The following HPSE2 variants were observed in gnomAD, a reference collection of about 807,000 sequenced individuals.
HPSE2 encodes inactive heparanase-2.
In HPSE2, 38 loss-of-function variants were observed where a neutral mutation model predicts 60.5. The observed-to-expected ratio is 0.63, with a 90% confidence interval of 0.48 to 0.82. HPSE2 has a LOEUF of 0.82. Among genes scored for constraint, HPSE2 ranks in the 40% least tolerant of loss-of-function variants. HPSE2 has a pLI of 0.00. For missense variants in HPSE2, 713 were observed against 740.4 expected, an observed-to-expected ratio of 0.96 and a Z score of 0.43; for synonymous variants, 295 against 293.2, an observed-to-expected ratio of 1.01 and a Z score of -0.06.
chr10:99,133,434 T>A (rs1042606350), intron 3 of HPSE2, among the ~76,000 whole-genome samples: 4 of 152,114 alleles, frequency 2.6e-5, no homozygotes, highest in African/African-American at 9.7e-5. Flanking sequence ...CCTCTATGTA[T>A]CCTGACTGGG....
chr10:98,702,233 A>C (rs1358995536), intron 5 of HPSE2, among the ~76,000 whole-genome samples: 1 of 152,218 alleles, frequency 6.6e-6, no homozygotes, highest in Non-Finnish European at 1.5e-5. Context: ...CATAATGTTA[A>C]AGGAATCGAT....
intron 4 of HPSE2, among the ~76,000 whole-genome samples, chr10:98,738,346 A>G (rs1467431396): frequency 1.3e-5 from 2 of 152,232 alleles, no homozygotes; most frequent in African/African-American, 4.8e-5. Context: ...TAAAGAGTTA[A>G]ACGTAAGACC....
intron 7 of HPSE2, among the ~76,000 whole-genome samples, chr10:98,627,518 G>A (rs1946249189): frequency 6.6e-6 from 1 of 152,166 alleles, no homozygotes; most frequent in Non-Finnish European, 1.5e-5. Context: ...CTAAAATTGA[G>A]GAACAGTTAG....
chr10:99,308,719 G>A, the HPSE2 span, among the ~76,000 whole-genome samples: 1 of 151,860 alleles, frequency 6.6e-6, no homozygotes, highest in East Asian at 1.9e-4. Context: ...TTTTAGTAGT[G>A]GCATTTCCAT....
chr10:98,807,150 A>T (rs1951061549), intron 3 of HPSE2, among the ~76,000 whole-genome samples: 3 of 152,194 alleles, frequency 2.0e-5, no homozygotes, highest in Admixed American at 1.3e-4. Flanking sequence ...CTCAAAAATT[A>T]AAAAAATAAT....
intron 3 of HPSE2, among the ~76,000 whole-genome samples, chr10:98,977,055 G>C (rs543076623): frequency 6.6e-6 from 1 of 152,276 alleles, no homozygotes; most frequent in East Asian, 1.9e-4. Flanking sequence ...AATGAAGCCT[G>C]GACCTGCTGA....
chr10:98,848,723 C>G (rs1952093768), intron 3 of HPSE2, among the ~76,000 whole-genome samples: 1 of 152,194 alleles, frequency 6.6e-6, no homozygotes, highest in African/African-American at 2.4e-5. Context: ...GGCTAACTTT[C>G]ATTTAGCTGC....
intron 3 of HPSE2, among the ~76,000 whole-genome samples, chr10:99,006,232 C>G (rs1956889893): frequency 6.6e-6 from 1 of 152,020 alleles, no homozygotes; most frequent in Non-Finnish European, 1.5e-5. Context: ...AAGGGTGAGC[C>G]TGGGTTCTGG....
chr10:98,990,978 T>C (rs1956509245), intron 3 of HPSE2, among the ~76,000 whole-genome samples: 1 of 152,196 alleles, frequency 6.6e-6, no homozygotes, highest in African/African-American at 2.4e-5. Flanking sequence ...GCCCCAATCA[T>C]ACTGGTCTAT....
At chr10:98,735,525 C>T (rs1006133313) in intron 4 of HPSE2, among the ~76,000 whole-genome samples, 6 of 151,704 alleles carry the variant, frequency 4.0e-5, no homozygotes, top group African/African-American at 1.5e-4. Flanking sequence ...AGAGGGCCAC[C>T]ACCCTTTAGA....
intron 6 of HPSE2, among the ~76,000 whole-genome samples, chr10:98,654,375 A>G (rs1241909139): frequency 6.6e-6 from 1 of 152,124 alleles, no homozygotes; most frequent in Non-Finnish European, 1.5e-5. Flanking sequence ...TACATTACAC[A>G]TTTTGAAATT....
chr10:98,909,334 GTT>G (rs781551587), intron 3 of HPSE2, among the ~76,000 whole-genome samples: 1 of 141,878 alleles, frequency 7.0e-6, no homozygotes. Context: ...ATTCAAAAAA[GTT>G]TTTTTTTTTT....
chr10:99,182,850 G>C (rs1847828285), intron 2 of HPSE2, among the ~76,000 whole-genome samples: 1 of 151,924 alleles, frequency 6.6e-6, no homozygotes, highest in Non-Finnish European at 1.5e-5. Flanking sequence ...CAAAACATTA[G>C]CCAGGTGTGG....
intron 3 of HPSE2, among the ~76,000 whole-genome samples, chr10:99,015,952 G>C (rs1308469980): frequency 1.3e-5 from 2 of 152,050 alleles, no homozygotes; most frequent in Non-Finnish European, 2.9e-5. Context: ...ACCTTTGTTG[G>C]ATGCATAGTT....
intron 3 of HPSE2, among the ~76,000 whole-genome samples, chr10:98,872,656 A>G (rs1952764757): frequency 6.6e-6 from 1 of 152,144 alleles, no homozygotes; most frequent in East Asian, 1.9e-4. Flanking sequence ...CCAGTGGTAC[A>G]TAGACAATAT....
intron 3 of HPSE2, among the ~76,000 whole-genome samples, chr10:98,918,613 G>T (rs1157663827): frequency 7.0e-6 from 1 of 143,410 alleles, no homozygotes; most frequent in Non-Finnish European, 1.5e-5. Flanking sequence ...CTCACTCATA[G>T]ATGGGAATTG....
intron 3 of HPSE2, among the ~76,000 whole-genome samples, chr10:99,101,362 T>A (rs889506476): frequency 2.2e-4 from 33 of 152,266 alleles, no homozygotes; most frequent in Middle Eastern, 3.4e-3. Flanking sequence ...AAACAGACTT[T>A]AAACCAACAA....
At chr10:99,077,923 C>T (rs896384803) in intron 3 of HPSE2, among the ~76,000 whole-genome samples, 7 of 152,114 alleles carry the variant, frequency 4.6e-5, no homozygotes, top group African/African-American at 9.7e-5. Context: ...GGATCCCTCA[C>T]GAGTGGCTTC....
At chr10:99,041,536 C>A (rs1480850609) in intron 3 of HPSE2, among the ~76,000 whole-genome samples, 1 of 152,170 alleles carries the variant, frequency 6.6e-6, no homozygotes, top group East Asian at 1.9e-4. Context: ...CAGAACTACC[C>A]ACTCAAACCC....
Sources: allele counts gnomAD v4.1 joint callset (sites outside exome capture counted in the v4.1 genomes callset), GRCh38; gene constraint gnomAD v4.1.1; transcripts MANE v1.5; gene names NCBI Gene and HGNC (gene_info 2026-07-23, HGNC 2026-07-21).